Variants in ATG10 observed in about 807,000 individuals in gnomAD.
ATG10 encodes the protein autophagy related 10.
In ATG10, 30 loss-of-function variants were observed where a neutral mutation model predicts 32.1. The observed-to-expected ratio is 0.94, with a 90% CI of 0.70 to 1.27. The LOEUF is 1.27. Ranked by LOEUF, ATG10 falls within the 50% of genes most tolerant of loss-of-function variation. The probability of loss-of-function intolerance (pLI) is 0.00; values close to 1 mark genes in which losing one functional copy is unlikely to be tolerated. For synonymous variants in ATG10, 87 were observed against 91.5 expected (o/e 0.95, Z 0.28); for missense variants, 233 against 262.3 (o/e 0.89, Z 0.77).
chr5:82,245,419 C>T (rs2195448), intron 5 of ATG10, among the ~76,000 whole-genome samples: 87,234 of 152,082 alleles, frequency 0.57, 27,191 homozygotes, highest in African/African-American at 0.8. Context: ...CTCTACTTTC[C>T]GTGAATACAA....
intron 3 of ATG10, among the ~76,000 whole-genome samples, chr5:82,084,738 C>T (rs905419767): frequency 6.6e-6 from 1 of 152,110 alleles, no homozygotes; most frequent in Non-Finnish European, 1.5e-5. Context: ...AACTAAGCTT[C>T]ATAAGTGAAG....
chr5:82,248,481 G>A (rs539744042), intron 5 of ATG10, among the ~76,000 whole-genome samples: 2 of 152,290 alleles, frequency 1.3e-5, no homozygotes, highest in South Asian at 4.1e-4. Context: ...GGATATGGAA[G>A]TACTTCCAGG....
Position 82,114,788 on chromosome 5 carries a change from T to C in ATG10, c.217-49611T>C, listed in dbSNP as rs1415355065. ...AGTGGGCGGCAGTCTGACTGATACA[T>C]AGGTAAATCTCTGTGGGATCTAAGA... On this transcript the variant is annotated intron_variant, in intron 3 of 7. Transcript: ENST00000282185. Among the ~76,000 whole-genome samples, 29 of 152,068 alleles carry C rather than the reference T, an allele frequency of 1.9e-4. No homozygotes were observed. The Admixed American group carries it at 1.9e-3, about 10-fold the overall frequency.
At chr5:82,037,048 T>C (rs903123933) in intron 2 of ATG10, among the ~76,000 whole-genome samples, 7 of 143,110 alleles carry the variant, frequency 4.9e-5, no homozygotes, top group Middle Eastern at 3.8e-3. Flanking sequence ...GGAGAATCAC[T>C]TGAACCAGGG....
chr5:82,095,850 A>G (rs1190939933), intron 3 of ATG10, among the ~76,000 whole-genome samples: 1 of 152,178 alleles, frequency 6.6e-6, no homozygotes, highest in African/African-American at 2.4e-5. Context: ...CTGAAGAACA[A>G]GAGCAACTGT....
chr5:82,043,623 T>C (rs1763151424), intron 2 of ATG10, among the ~76,000 whole-genome samples: 1 of 152,250 alleles, frequency 6.6e-6, no homozygotes, highest in South Asian at 2.1e-4. Context: ...ATCTCTTCCT[T>C]CATGCATATG....
chr5:82,253,549 TAA>T, intron 7 of ATG10, 120 bp downstream of exon 7: 1 of 668,454 alleles, frequency 1.5e-6, no homozygotes, highest in South Asian at 1.8e-5. Context: ...AACCCTGACT[TAA>T]TTTTTAGTTT....
In ATG10 at chr5:82,252,585, CT is replaced by C. The variant is rs1186430519; in HGVS notation, c.483del (p.Phe161LeufsTer12). The C allele has an allele frequency of 3.7e-6, 6 of 1,608,868 alleles. No individual in the cohort carries two copies. Among genetic ancestry groups the C allele is most frequent in the African/African-American group, 1.3e-5 (1 of 74,802 alleles). ...AGGAACATCCAATACTTGGGCAACC[CT>C]TTTTTGTACTTCATCCCTGCAAGAC... ...QQEHPILGQP[F>X]FVLHPCKTNE... On this transcript the variant is annotated frameshift_variant, in exon 6 of 8. Transcript: ENST00000282185. LOFTEE classifies it high-confidence loss of function.
chr5:82,061,423 T>C lies in ATG10; in HGVS notation c.216+2821T>C, dbSNP rs549521780. On this transcript the variant is annotated intron_variant, in intron 3 of 7. Coordinates refer to ENST00000282185, the MANE Select transcript of ATG10 (RefSeq NM_031482.5). ...GAATTTGCTTTAAAAGTATATGTCC[T>C]TTATCTCTCCTTCTTGGTACTCCTC... Among the ~76,000 whole-genome samples the C allele has an allele frequency of 1.6e-4, 25 of 151,982 alleles. No individual in the cohort carries two copies. The East Asian group carries it at 4.8e-3, about 29-fold the overall frequency.
chr5:81,983,776 A>G (rs1761157021), intron 1 of ATG10, among the ~76,000 whole-genome samples: 2 of 149,410 alleles, frequency 1.3e-5, no homozygotes, highest in Non-Finnish European at 1.5e-5. Flanking sequence ...GGGTCTCCTC[A>G]CTTCTCAGAT....
chr5:82,139,330 G>T (rs1219309812), intron 3 of ATG10, among the ~76,000 whole-genome samples: 2 of 150,018 alleles, frequency 1.3e-5, no homozygotes, highest in Non-Finnish European at 3.0e-5. Context: ...GAGCCCCTCT[G>T]CCTGGCTGCC....
intron 2 of ATG10, among the ~76,000 whole-genome samples, chr5:82,041,704 A>C (rs1432898105): frequency 6.6e-6 from 1 of 152,142 alleles, no homozygotes; most frequent in Non-Finnish European, 1.5e-5. Context: ...GATGTGCTTA[A>C]AGTTTGATAA....
chr5:82,170,626 C>T lies in ATG10; in HGVS notation c.355+6089C>T, dbSNP rs561784980. On this transcript the variant is annotated intron_variant, in intron 4 of 7. Coordinates refer to ENST00000282185, the MANE Select transcript of ATG10 (RefSeq NM_031482.5). ...TAATCTCAAGAGTTTGGGATCAAAA[C>T]CTCAGAATACTTTGGATAGGATTGA... 3.0e-4 allele frequency among the ~76,000 whole-genome samples: 46 copies of T among 152,132 alleles called. 1 individual carries two copies. In the South Asian group the frequency reaches 8.1e-3, roughly 27 times the overall value.
chr5:82,053,638 G>T (rs1446867877), intron 2 of ATG10, among the ~76,000 whole-genome samples: 2 of 133,908 alleles, frequency 1.5e-5, no homozygotes, highest in East Asian at 3.9e-4. Context: ...ATAACTGGAA[G>T]AGTTTTGGCT....
chr5:82,139,858 A>G (rs1196112329), intron 3 of ATG10, among the ~76,000 whole-genome samples: 26 of 74,954 alleles, frequency 3.5e-4, no homozygotes, highest in South Asian at 1.6e-3. Context: ...CAGCCCCCCC[A>G]CCCGGCCAGC....
chr5:82,077,839 T>G (rs975593306), intron 3 of ATG10, among the ~76,000 whole-genome samples: 2 of 152,238 alleles, frequency 1.3e-5, no homozygotes, highest in Non-Finnish European at 2.9e-5. Flanking sequence ...GTATATATTC[T>G]TTATACTTCA....
chr5:82,030,484 G>A (rs184090540), intron 2 of ATG10, among the ~76,000 whole-genome samples: 6 of 152,052 alleles, frequency 3.9e-5, no homozygotes, highest in Non-Finnish European at 5.9e-5. Flanking sequence ...TTACTTGTCC[G>A]CTTCTCCATG....
intron 3 of ATG10, among the ~76,000 whole-genome samples, chr5:82,090,875 A>G (rs1032835695): frequency 6.6e-6 from 1 of 152,248 alleles, no homozygotes; most frequent in African/African-American, 2.4e-5. Flanking sequence ...GTTTAATTAG[A>G]AAATGATTTT....
chr5:82,082,122 T>A (rs1173871305), intron 3 of ATG10, among the ~76,000 whole-genome samples: 2 of 152,140 alleles, frequency 1.3e-5, no homozygotes, highest in African/African-American at 2.4e-5. Flanking sequence ...CACATGGGAA[T>A]TGTGGGAGTT....
Sources: allele counts gnomAD v4.1 joint callset (sites outside exome capture counted in the v4.1 genomes callset), GRCh38; gene constraint gnomAD v4.1.1; transcripts MANE v1.5; gene names NCBI Gene and HGNC (gene_info 2026-07-23, HGNC 2026-07-21).